DPP10: variants seen among roughly 807,000 people sequenced by gnomAD.
DPP10 encodes inactive dipeptidyl peptidase 10.
DPP10 carries 33 observed loss-of-function variants against 120.9 expected under a neutral mutation model. The observed-to-expected ratio is 0.27, with a 90% confidence interval of 0.21 to 0.37. DPP10 has a LOEUF of 0.37. DPP10 is among the 10% of genes least tolerant of loss of function. DPP10 has a pLI of 1.00. For synonymous variants in DPP10, 337 were observed against 326.1 expected, an observed-to-expected ratio of 1.03 and a Z score of -0.36; for missense variants, 816 against 942.8, an observed-to-expected ratio of 0.87 and a Z score of 1.76.
At chr2:115,022,238 T>G (rs1703129020) in intron 1 of DPP10, among the ~76,000 whole-genome samples, 1 of 152,116 alleles carries the variant, frequency 6.6e-6, no homozygotes, top group Admixed American at 6.5e-5. Flanking sequence ...TGTTTGCTGA[T>G]GATATGATTG....
At chr2:114,655,497 T>A (rs577078643) in intron 1 of DPP10, among the ~76,000 whole-genome samples, 15 of 152,312 alleles carry the variant, frequency 9.8e-5, no homozygotes, top group Non-Finnish European at 1.8e-4. Context: ...AGAAATGAGA[T>A]TAATCCTTCC....
intron 1 of DPP10, among the ~76,000 whole-genome samples, chr2:114,838,396 T>C (rs10185446): frequency 0.071 from 10,730 of 152,040 alleles, 1,272 homozygotes; most frequent in African/African-American, 0.25. Context: ...TCACTGCAAC[T>C]GCCACCTCCC....
chr2:115,750,243 G>A (rs1024868431), intron 10 of DPP10: 2 of 975,406 alleles, frequency 2.1e-6, no homozygotes, highest in African/African-American at 3.5e-5. Flanking sequence ...GAATACTTAT[G>A]AGTAAGCAAG....
intron 1 of DPP10, among the ~76,000 whole-genome samples, chr2:114,728,974 T>A (rs1676623264): frequency 6.6e-6 from 1 of 152,178 alleles, no homozygotes; most frequent in African/African-American, 2.4e-5. Context: ...TTGTAATTTT[T>A]GGTGTTTTTC....
intron 1 of DPP10, among the ~76,000 whole-genome samples, chr2:114,752,623 C>T (rs1275957420): frequency 6.6e-6 from 1 of 152,178 alleles, no homozygotes; most frequent in Non-Finnish European, 1.5e-5. Flanking sequence ...ACTGTGCTCA[C>T]ACTTGTGCAG....
chr2:114,645,393 AC>A (rs1281117614), intron 1 of DPP10, among the ~76,000 whole-genome samples: 1 of 152,106 alleles, frequency 6.6e-6, no homozygotes, highest in Admixed American at 6.6e-5. Flanking sequence ...TTTTGGGAAA[AC>A]TTTTTTATGG....
chr2:115,813,988 C>G (rs1401763606), intron 19 of DPP10, among the ~76,000 whole-genome samples: 3 of 152,108 alleles, frequency 2.0e-5, no homozygotes, highest in Non-Finnish European at 4.4e-5. Flanking sequence ...CCTAGATATT[C>G]TATGTGATTG....
chr2:115,732,381 AG>A (rs2092931413), intron 8 of DPP10, among the ~76,000 whole-genome samples: 1 of 152,190 alleles, frequency 6.6e-6, no homozygotes, highest in South Asian at 2.1e-4. Flanking sequence ...TAAAAGTGTC[AG>A]TTTTAAGAAT....
intron 1 of DPP10, among the ~76,000 whole-genome samples, chr2:115,191,233 G>A (rs2054858911): frequency 6.6e-6 from 1 of 152,230 alleles, no homozygotes; most frequent in Non-Finnish European, 1.5e-5. Flanking sequence ...AGCTGGGGCG[G>A]TCCATCCTTG....
At position 115,520,293 on chromosome 2, in the gene DPP10, G is replaced by A. The variant is rs1467146064; in HGVS notation, c.367-5605G>A. On this transcript the variant is annotated intron_variant, in intron 4 of 25. Transcript: ENST00000410059. Reference sequence around the variant, plus strand: ...AGATAGCGCCATTGCACTCCAGCCCGGGTGACAGTGCGAGACTCCATCAAA... The same window carrying A: ...AGATAGCGCCATTGCACTCCAGCCCAGGTGACAGTGCGAGACTCCATCAAA... 1.2e-4 allele frequency among the ~76,000 whole-genome samples: 19 copies of A among 152,252 alleles called. No individual in the cohort carries two copies. The East Asian group carries it at 2.7e-3, about 22-fold the overall frequency.
chr2:115,839,782 A>G lies in DPP10; in HGVS notation c.2183-968A>G, dbSNP rs182708827. Among the ~76,000 whole-genome samples, 57 of 152,294 alleles carry G rather than the reference A, an allele frequency of 3.7e-4. 1 individual carries two copies. The highest frequency in any genetic ancestry group is 1.5e-3 in the Admixed American group (23 of 15,294). ...AGAATGTGAGCCAACTTCTGCAGAA[A>G]GAGATTTGAGTGACTGCACCAAATC... On this transcript the variant is annotated intron_variant, in intron 24 of 25. Transcript: ENST00000410059.
At chr2:115,192,852 T>C (rs2054980451) in intron 1 of DPP10, among the ~76,000 whole-genome samples, 1 of 151,706 alleles carries the variant, frequency 6.6e-6, no homozygotes, top group Non-Finnish European at 1.5e-5. Flanking sequence ...CATTGTGCTT[T>C]GATTTTAATA....
At chr2:114,703,988 T>C (rs1050629123) in intron 1 of DPP10, among the ~76,000 whole-genome samples, 2 of 152,026 alleles carry the variant, frequency 1.3e-5, no homozygotes, top group Non-Finnish European at 2.9e-5. Flanking sequence ...TCCTACTGCC[T>C]CCCACAGAGC....
intron 1 of DPP10, among the ~76,000 whole-genome samples, chr2:115,231,743 T>C (rs2057745016): frequency 6.6e-6 from 1 of 152,156 alleles, no homozygotes. Flanking sequence ...ATGAAAGAAA[T>C]CCAGTCTTGT....
At chr2:115,309,163 C>A in intron 1 of DPP10, 76 bp from the exon 2 acceptor site, 2 of 1,094,492 alleles carry the variant, frequency 1.8e-6, no homozygotes, top group Non-Finnish European at 2.7e-6. Context: ...TTGTGCCATG[C>A]ACTGAATCAT....
At chr2:115,258,517 A>G (rs2059108866) in intron 1 of DPP10, among the ~76,000 whole-genome samples, 1 of 152,210 alleles carries the variant, frequency 6.6e-6, no homozygotes, top group Non-Finnish European at 1.5e-5. Flanking sequence ...TGTTAAATAA[A>G]TTATAATTAA....
chr2:115,006,303 C>T (rs1476816823), intron 1 of DPP10, among the ~76,000 whole-genome samples: 3 of 151,800 alleles, frequency 2.0e-5, no homozygotes, highest in East Asian at 1.9e-4. Context: ...GAAGAAACTG[C>T]ATCAACTAAC....
chr2:115,015,076 G>C (rs1702537285), intron 1 of DPP10, among the ~76,000 whole-genome samples: 1 of 152,112 alleles, frequency 6.6e-6, no homozygotes, highest in Non-Finnish European at 1.5e-5. Flanking sequence ...CAATATTCCT[G>C]ATGAACATCG....
chr2:115,767,560 CACAT>C (rs776335454), intron 12 of DPP10, among the ~76,000 whole-genome samples: 2 of 151,088 alleles, frequency 1.3e-5, no homozygotes, highest in African/African-American at 2.4e-5. Flanking sequence ...TATATACACA[CACAT>C]AAATATATAG....
Sources: allele counts gnomAD v4.1 joint callset (sites outside exome capture counted in the v4.1 genomes callset), GRCh38; gene constraint gnomAD v4.1.1; transcripts MANE v1.5; gene names NCBI Gene and HGNC (gene_info 2026-07-23, HGNC 2026-07-21).